Variants in DENND3 observed in about 807,000 individuals in gnomAD.
DENND3 encodes the protein DENN domain containing 3.
DENND3 carries 88 observed loss-of-function variants against 135.1 expected under a neutral mutation model. The observed-to-expected ratio is 0.65, with a 90% CI of 0.55 to 0.78. DENND3 has a LOEUF of 0.78. Ranked by LOEUF, DENND3 falls within the 30% of genes least tolerant of loss-of-function variation. The probability of loss-of-function intolerance (pLI) is 0.00; values close to 1 mark genes in which losing one functional copy is unlikely to be tolerated. For synonymous variants in DENND3, 693 were observed against 712.3 expected (o/e 0.97, Z 0.43); for missense variants, 1,392 against 1,688.4 (o/e 0.82, Z 3.08).
chr8:141,152,226 G>A (rs532467642), intron 7 of DENND3, among the ~76,000 whole-genome samples: 1 of 152,378 alleles, frequency 6.6e-6, no homozygotes, highest in African/African-American at 2.4e-5. Context: ...ATGCCAGGAG[G>A]TGGACTGGGT....
chr8:141,150,872 C>T lies in DENND3; in HGVS notation c.774C>T (p.Ala258=). ...AGTCGCTCCAGATTGTGTTACCTGC[C>T]CGAGCAGACCCCGAAAGCCCCATCC... ...NMKSLQIVLP[A]RADPESPILD... The change falls in exon 6 of 23, where the codon GCC becomes GCT. Residue 258 remains alanine, a synonymous_variant. Transcript: ENST00000519811. 6.2e-7 allele frequency: 1 copy of T among 1,608,714 alleles called. No homozygotes were observed. Among genetic ancestry groups the T allele is most frequent in the Non-Finnish European group, 8.5e-7 (1 of 1,178,572 alleles).
chr8:141,152,987 G>A (rs1818989991), intron 7 of DENND3, among the ~76,000 whole-genome samples: 1 of 151,936 alleles, frequency 6.6e-6, no homozygotes, highest in Admixed American at 6.6e-5. Flanking sequence ...GTGGTTTGAT[G>A]TGCATTTCCC....
intron 22 of DENND3, 85 bp downstream of exon 22, chr8:141,192,748 G>C (rs28446884): frequency 1.2e-6 from 2 of 1,607,156 alleles, no homozygotes; most frequent in Non-Finnish European, 1.7e-6. Context: ...AGAGCCAGCC[G>C]CACGCCCTCG....
At chr8:141,176,289 A>AC (rs1347458069) in intron 14 of DENND3, 6 of 205,046 alleles carry the variant, frequency 2.9e-5, no homozygotes, top group Non-Finnish European at 4.7e-5. Context: ...AAACAAAACA[A>AC]AAAAAAAAAA....
In DENND3 at chr8:141,138,813, C is replaced by T. The variant is rs559729482; in HGVS notation, c.501+676C>T. 5.1e-4 allele frequency among the ~76,000 whole-genome samples: 77 copies of T among 152,338 alleles called. No homozygotes were observed. The highest frequency in any genetic ancestry group is 1.6e-3 in the African/African-American group (67 of 41,584). On this transcript the variant is annotated intron_variant, in intron 3 of 22. Coordinates refer to ENST00000519811, the MANE Select transcript of DENND3 (RefSeq NM_001352890.3). This position sits in a 1 kb window ranked among gnomAD's most constrained non-coding sequence, Gnocchi z 4.8. ...GTTTTGATGTTCATGTGCATGGGCGCGTGTGCCAGTGCCCCGTGGCCTTTT... is the reference window on the plus strand; with the variant it reads ...GTTTTGATGTTCATGTGCATGGGCGTGTGTGCCAGTGCCCCGTGGCCTTTT...
At position 141,185,228 on chromosome 8, in the gene DENND3, T is replaced by G. The variant is rs1284794861; in HGVS notation, c.3034T>G (p.Ser1012Ala). Residue 1012 changes from serine (S) to alanine (A), a missense_variant, in exon 18 of 23, where the codon TCT (serine) becomes GCT (alanine). Physicochemically the swap from Ser to Ala is moderately conservative, Grantham distance 99 (BLOSUM62 1). Transcript: ENST00000519811. Reference sequence around the variant, plus strand: ...AGGCAAGGTGACCGTGTTCAATGCTTCTTCATGGACCATCCACCAGCACTC... The same window carrying G: ...AGGCAAGGTGACCGTGTTCAATGCTGCTTCATGGACCATCCACCAGCACTC... ...SEGKVTVFNA[S>A]SWTIHQHSFK... The G allele has an allele frequency of 1.2e-6, 2 of 1,614,240 alleles. No homozygotes were observed. The highest frequency in any genetic ancestry group is 1.3e-5 in the African/African-American group (1 of 75,064).
rs1166415288 is a variant in DENND3 at position 141,141,347 on chromosome 8, A to G, written c.623+23A>G. 1 of 1,314,900 alleles carries G rather than the reference A, an allele frequency of 7.6e-7. No individual in the cohort carries two copies. Among genetic ancestry groups the G allele is most frequent in the Non-Finnish European group, 1.0e-6 (1 of 1,001,136 alleles). The allele number at this position is 1,314,900 out of a possible 1,614,324, so 81.5% of individuals were successfully genotyped here. A position where few individuals can be genotyped will look rare whatever the true frequency, so the allele number is the denominator to read the frequency against. ...CTGGTGAGCTGGGGCACCGGGGGCC[A>G]GGGGTGGTAGGGGGCAGCTCTTTGT... On this transcript the variant is annotated intron_variant, in intron 4 of 22. Coordinates refer to ENST00000519811, the MANE Select transcript of DENND3 (RefSeq NM_001352890.3). The surrounding 1 kb of genome is among the most constrained non-coding windows in gnomAD (Gnocchi z 5.3).
At position 141,176,754 on chromosome 8, in the gene DENND3, A is replaced by G. The variant is rs1822421857; in HGVS notation, c.2699A>G (p.Asp900Gly). The G allele has an allele frequency of 6.2e-7, 1 of 1,613,100 alleles. No homozygotes were observed. Among genetic ancestry groups the G allele is most frequent in the Non-Finnish European group, 8.5e-7 (1 of 1,179,228 alleles). The change falls in exon 15 of 23, where the codon GAC (aspartate) becomes GGC (glycine). Residue 900 changes from aspartate to glycine, a missense_variant. Asp to Gly is a moderately conservative substitution (Grantham distance 94, BLOSUM62 -1). Transcript: ENST00000519811. The stretch of plus-strand genomic sequence containing the variant: ...TGGGCTGGGAAGAAGCTGGCCGATG[A>G]CCACAAGGTGGGAGACGCGGGTCCC... ...EMWAGKKLAD[D>G]HKDPHYVQQA...
chr8:141,163,596 A>G (rs950435841), intron 10 of DENND3, among the ~76,000 whole-genome samples, 167 bp downstream of exon 10: 2 of 152,188 alleles, frequency 1.3e-5, no homozygotes, highest in Non-Finnish European at 2.9e-5. Context: ...TTTTAAAAAA[A>G]TCAGCTTTTT....
intron 1 of DENND3, among the ~76,000 whole-genome samples, chr8:141,131,385 C>T (rs1219361268): frequency 6.6e-6 from 1 of 152,168 alleles, no homozygotes; most frequent in Non-Finnish European, 1.5e-5. Flanking sequence ...ATAATTCTTG[C>T]GTGTGAAGCT....
chr8:141,169,617 C>A (rs887267785), intron 13 of DENND3, among the ~76,000 whole-genome samples: 1 of 152,206 alleles, frequency 6.6e-6, no homozygotes, highest in Non-Finnish European at 1.5e-5. Flanking sequence ...CTCTCCCTCC[C>A]TCCCCAGAGG....
intron 7 of DENND3, among the ~76,000 whole-genome samples, chr8:141,155,492 C>T (rs187052899): frequency 7.9e-5 from 12 of 151,458 alleles, no homozygotes; most frequent in Admixed American, 7.9e-4. Context: ...CGGCCTCAAC[C>T]TCCTGGGCTC....
rs146488694 is a variant in DENND3 at position 141,138,059 on chromosome 8, C to T, written c.423C>T (p.Cys141=). 2,046 of 1,608,736 alleles carry T rather than the reference C, an allele frequency of 1.3e-3. 2 individuals are homozygous for T. The highest frequency in any genetic ancestry group is 1.9e-3 in the South Asian group (172 of 89,752). The change falls in exon 3 of 23, where the codon TGC becomes TGT. Residue 141 remains cysteine (C), a synonymous_variant. Transcript: ENST00000519811. The surrounding 1 kb of genome is among the most constrained non-coding windows in gnomAD (Gnocchi z 4.8). ...VCVATEPKED[C]VHFLVLTDVC... is the part of the protein sequence containing the mutation. ...TGGCCACTGAACCTAAGGAGGATTG[C>T]GTCCACTTCCTGGTGCTGACCGATG...
At chr8:141,135,700 A>G (rs1272859668) in intron 1 of DENND3, among the ~76,000 whole-genome samples, 1 of 152,220 alleles carries the variant, frequency 6.6e-6, no homozygotes, top group Non-Finnish European at 1.5e-5. Flanking sequence ...TGGGCATAGT[A>G]GTAACATGGA....
At chr8:141,136,437 G>A (rs1001413177) in intron 1 of DENND3, 72 bp from the exon 2 acceptor site, 6 of 1,424,030 alleles carry the variant, frequency 4.2e-6, no homozygotes, top group Non-Finnish European at 4.7e-6. Context: ...AAGCAGTGAA[G>A]CTCAGACAGA....
chr8:141,159,214 G>A (rs895037176), intron 8 of DENND3, among the ~76,000 whole-genome samples: 9 of 152,138 alleles, frequency 5.9e-5, no homozygotes, highest in Non-Finnish European at 1.0e-4. Flanking sequence ...ATCCCCTGGT[G>A]GGCCACTCCA....
rs763595939 is a variant in DENND3 at position 141,141,316 on chromosome 8, C to T, written c.615C>T (p.Cys205=). ...CCTATTACAACTCCCTCAAGGACTG[C>T]CTTTCCTGGTGAGCTGGGGCACCGG... ...RFPYYNSLKD[C]LSCLLALLKP... Residue 205 remains cysteine, a synonymous_variant, in exon 4 of 23, where the codon TGC becomes TGT. Coordinates refer to ENST00000519811, the MANE Select transcript of DENND3 (RefSeq NM_001352890.3). The surrounding 1 kb of genome is among the most constrained non-coding windows in gnomAD (Gnocchi z 5.3). 9.3e-6 allele frequency: 15 copies of T among 1,613,502 alleles called. No homozygotes were observed. The Admixed American group carries it at 1.0e-4, about 11-fold the overall frequency.
In DENND3 at chr8:141,137,852, A is replaced by G. The variant is rs1816955149; in HGVS notation, c.386-170A>G. Among the ~76,000 whole-genome samples, 1 of 152,196 alleles carries G rather than the reference A, an allele frequency of 6.6e-6. No homozygotes were observed. The highest frequency in any genetic ancestry group is 2.4e-5 in the African/African-American group (1 of 41,450). On this transcript the variant is annotated intron_variant, in intron 2 of 22. Transcript: ENST00000519811. The surrounding 1 kb of genome is among the most constrained non-coding windows in gnomAD (Gnocchi z 4.1). ...TTGCTGTGTGGGGAGGGACTCAGGG[A>G]GGATAGACGGCCGGAGGCGTGATCG...
chr8:141,186,667 GATA>G (rs1388457691), intron 18 of DENND3, among the ~76,000 whole-genome samples: 2 of 152,202 alleles, frequency 1.3e-5, no homozygotes, highest in African/African-American at 4.8e-5. Context: ...AATTGTTTCT[GATA>G]ATTTTAAAAC....
Sources: allele counts gnomAD v4.1 joint callset (sites outside exome capture counted in the v4.1 genomes callset), GRCh38; gene constraint gnomAD v4.1.1; non-coding constraint Gnocchi (gnomAD v3.1); transcripts MANE v1.5; gene names NCBI Gene and HGNC (gene_info 2026-07-23, HGNC 2026-07-21).